Variants in MYO3B observed in about 807,000 individuals in gnomAD.
MYO3B encodes myosin IIIB, also known as myosin-IIIb.
Under a neutral mutation model 174.6 loss-of-function variants are expected in MYO3B, and 156 were observed. The ratio of observed to expected loss-of-function variants is 0.89; its 90% confidence interval spans 0.78 to 1.02. The LOEUF (loss-of-function observed/expected upper bound fraction) is 1.02, where lower values mean the gene tolerates loss of function less well. Ranked by LOEUF, MYO3B falls within the 50% of genes least tolerant of loss-of-function variation. MYO3B has a pLI of 0.00. For missense variants in MYO3B, 1,632 were observed against 1,639.4 expected (o/e 1.00, Z 0.08); for synonymous variants, 563 against 569.1 (o/e 0.99, Z 0.15).
intron 22 of MYO3B, among the ~76,000 whole-genome samples, chr2:170,414,714 A>C (rs2094567377): frequency 6.6e-6 from 1 of 152,218 alleles, no homozygotes; most frequent in Non-Finnish European, 1.5e-5. Context: ...TTCCATGAAC[A>C]TGATATGTCT....
chr2:170,429,126 A>T (rs914674291), intron 22 of MYO3B, among the ~76,000 whole-genome samples: 1 of 152,202 alleles, frequency 6.6e-6, no homozygotes, highest in African/African-American at 2.4e-5. Context: ...TACCACCAAT[A>T]GATAAGGTAT....
At chr2:170,370,624 T>C (rs62170808) in intron 9 of MYO3B, among the ~76,000 whole-genome samples, 5 of 129,540 alleles carry the variant, frequency 3.9e-5, no homozygotes, top group East Asian at 2.5e-4. Flanking sequence ...ACCACCCACC[T>C]ACACACACAC....
chr2:170,513,710 G>T (rs945460970), intron 28 of MYO3B, among the ~76,000 whole-genome samples: 1 of 152,010 alleles, frequency 6.6e-6, no homozygotes, highest in Non-Finnish European at 1.5e-5. Context: ...TTCTGTATTC[G>T]AATGTGAGCT....
intron 7 of MYO3B, among the ~76,000 whole-genome samples, chr2:170,241,817 C>T (rs976271887): frequency 1.3e-5 from 2 of 152,028 alleles, no homozygotes; most frequent in African/African-American, 4.8e-5. Context: ...TTTTATCTTA[C>T]ATAGGCATTT....
In MYO3B at chr2:170,622,735, A is replaced by G. The variant is rs1295776655; in HGVS notation, c.3734-28893A>G. Among the ~76,000 whole-genome samples, 5 of 77,246 alleles carry G rather than the reference A, an allele frequency of 6.5e-5. No individual in the cohort carries two copies. The East Asian group carries it at 2.2e-3, about 33-fold the overall frequency. The allele number at this position is 77,246 out of a possible 152,430, so 50.7% of individuals were successfully genotyped here. A position where few individuals can be genotyped will look rare whatever the true frequency, so the allele number is the denominator to read the frequency against. On this transcript the variant is annotated intron_variant, in intron 32 of 34. Coordinates refer to ENST00000408978, the MANE Select transcript of MYO3B (RefSeq NM_138995.5). ...TATCCCTCACCCCTCCCCCCACCCC[A>G]CAACAGGCCCCGGTGTGTGATGTTC...
At chr2:170,528,437 C>T (rs1050945885) in intron 30 of MYO3B, among the ~76,000 whole-genome samples, 1 of 152,152 alleles carries the variant, frequency 6.6e-6, no homozygotes, top group Admixed American at 6.5e-5. Flanking sequence ...GATGGAGTTT[C>T]GCTCTATCGC....
intron 32 of MYO3B, among the ~76,000 whole-genome samples, chr2:170,609,401 A>G (rs1329778542): frequency 2.0e-5 from 3 of 152,306 alleles, no homozygotes; most frequent in East Asian, 1.9e-4. Flanking sequence ...GGCCTAATAC[A>G]TGATGTACTA....
At chr2:170,227,255 A>G (rs1377541086) in intron 6 of MYO3B, among the ~76,000 whole-genome samples, 3 of 152,064 alleles carry the variant, frequency 2.0e-5, no homozygotes, top group African/African-American at 7.2e-5. Flanking sequence ...CTTGTGCTCT[A>G]TTATGTCCCG....
intron 8 of MYO3B, among the ~76,000 whole-genome samples, chr2:170,362,336 G>A (rs149262597): frequency 6.6e-5 from 10 of 152,114 alleles, no homozygotes; most frequent in East Asian, 1.9e-4. Flanking sequence ...TTCCATTTCC[G>A]TCCTACCTTC....
intron 25 of MYO3B, among the ~76,000 whole-genome samples, chr2:170,494,636 G>A (rs762582627): frequency 4.2e-5 from 6 of 144,316 alleles, no homozygotes; most frequent in South Asian, 2.2e-4. Flanking sequence ...GCTGAGGCAC[G>A]AGAATTACTT....
At chr2:170,410,250 A>C (rs1488113182) in intron 22 of MYO3B, among the ~76,000 whole-genome samples, 2 of 152,152 alleles carry the variant, frequency 1.3e-5, no homozygotes, top group Admixed American at 6.5e-5. Flanking sequence ...TTGAGGAATG[A>C]ACTACAGGGA....
intron 25 of MYO3B, among the ~76,000 whole-genome samples, chr2:170,482,175 A>G (rs1402683101): frequency 7.1e-6 from 1 of 140,880 alleles, no homozygotes; most frequent in Non-Finnish European, 1.5e-5. Context: ...TTTTTTTTTG[A>G]GACAGGGTCT....
intron 32 of MYO3B, among the ~76,000 whole-genome samples, chr2:170,620,199 A>C (rs1456007357): frequency 6.6e-6 from 1 of 152,218 alleles, no homozygotes; most frequent in Admixed American, 6.5e-5. Context: ...AAACCAAAAA[A>C]AAAACACTTC....
At chr2:170,275,165 A>T (rs966177559) in intron 7 of MYO3B, among the ~76,000 whole-genome samples, 2 of 152,216 alleles carry the variant, frequency 1.3e-5, no homozygotes, top group Admixed American at 6.5e-5. Context: ...AGCTTTAAAC[A>T]ATATTGATTA....
At chr2:170,270,350 G>A (rs1018315214) in intron 7 of MYO3B, among the ~76,000 whole-genome samples, 1 of 152,154 alleles carries the variant, frequency 6.6e-6, no homozygotes, top group African/African-American at 2.4e-5. Flanking sequence ...GTTTGGATGA[G>A]AAAGACTGAT....
In MYO3B at chr2:170,340,841, C is replaced by T. The variant is rs1256331438; in HGVS notation, c.815+5391C>T. 4 of 152,004 alleles carry T rather than the reference C, an allele frequency of 2.6e-5. No individual in the cohort carries two copies. The South Asian group carries it at 8.3e-4, about 32-fold the overall frequency. 9.4% of individuals were successfully genotyped at this position (152,004 alleles called of 1,614,324 possible). A position where few individuals can be genotyped will look rare whatever the true frequency, so the allele number is the denominator to read the frequency against. On this transcript the variant is annotated intron_variant, in intron 8 of 34. Transcript: ENST00000408978. ...CTGTTTTTGTGGTTTTCTTAATTGCCTTCTGCTTAAAATACTCAGTATGCT... is the reference window on the plus strand; with the variant it reads ...CTGTTTTTGTGGTTTTCTTAATTGCTTTCTGCTTAAAATACTCAGTATGCT...
At chr2:170,480,424 C>A (rs966782050) in intron 25 of MYO3B, among the ~76,000 whole-genome samples, 3 of 152,310 alleles carry the variant, frequency 2.0e-5, no homozygotes, top group African/African-American at 7.2e-5. Flanking sequence ...AAGCTCTGCA[C>A]CCTTTCCCCG....
At chr2:170,602,274 G>A (rs913641063) in intron 32 of MYO3B, 50 of 766,978 alleles carry the variant, frequency 6.5e-5, no homozygotes, top group South Asian at 2.9e-4. Flanking sequence ...CCCAGTGCCC[G>A]TCCGGCTCTC....
chr2:170,314,205 C>T (rs536727598), intron 7 of MYO3B, among the ~76,000 whole-genome samples: 2 of 152,286 alleles, frequency 1.3e-5, no homozygotes, highest in African/African-American at 4.8e-5. Context: ...CCCAGAAGGA[C>T]CTTGAGCCAG....
Sources: allele counts gnomAD v4.1 joint callset (sites outside exome capture counted in the v4.1 genomes callset), GRCh38; gene constraint gnomAD v4.1.1; transcripts MANE v1.5; gene names NCBI Gene and HGNC (gene_info 2026-07-23, HGNC 2026-07-21).